Variants in KSR2 observed in about 807,000 individuals in gnomAD.
KSR2 encodes kinase suppressor of ras 2.
Under a neutral mutation model 107.8 loss-of-function variants are expected in KSR2, and 25 were observed. That is an observed-to-expected ratio of 0.23 (90% CI 0.17 to 0.32). KSR2 has a LOEUF of 0.32. KSR2 is among the 10% of genes least tolerant of loss of function. KSR2 has a pLI of 1.00. For missense variants in KSR2, 887 were observed against 1,268.9 expected, an observed-to-expected ratio of 0.70 and a Z score of 4.57; for synonymous variants, 480 against 507.0, an observed-to-expected ratio of 0.95 and a Z score of 0.71.
At chr12:117,714,265 G>A (rs1886897038) in intron 4 of KSR2, among the ~76,000 whole-genome samples, 1 of 152,254 alleles carries the variant, frequency 6.6e-6, no homozygotes, top group South Asian at 2.1e-4. Flanking sequence ...GGAACTTTAA[G>A]TAATCAAATG....
intron 17 of KSR2, among the ~76,000 whole-genome samples, chr12:117,475,470 C>T (rs1871721242): frequency 6.6e-6 from 1 of 152,104 alleles, no homozygotes; most frequent in Non-Finnish European, 1.5e-5. Context: ...TCTGGAACAC[C>T]TCACCCTGCC....
At chr12:117,800,336 A>G (rs1890787660) in intron 3 of KSR2, among the ~76,000 whole-genome samples, 1 of 152,100 alleles carries the variant, frequency 6.6e-6, no homozygotes, top group Non-Finnish European at 1.5e-5. Flanking sequence ...CCACAGGGCC[A>G]GGTTCCTGTC....
chr12:117,578,601 C>CAAAAAAAA (rs66919524), intron 7 of KSR2, among the ~76,000 whole-genome samples: 3 of 103,972 alleles, frequency 2.9e-5, no homozygotes, highest in African/African-American at 8.9e-5. Context: ...GACTCCATCT[C>CAAAAAAAA]AAAAAAAAAA....
chr12:117,834,135 T>C (rs1283070840), intron 3 of KSR2, among the ~76,000 whole-genome samples: 1 of 147,756 alleles, frequency 6.8e-6, no homozygotes, highest in Non-Finnish European at 1.5e-5. Context: ...AGTGAGACCC[T>C]GTCTCAAAAA....
chr12:117,496,370 A>G (rs1332420155), intron 14 of KSR2, among the ~76,000 whole-genome samples: 1 of 152,148 alleles, frequency 6.6e-6, no homozygotes, highest in Non-Finnish European at 1.5e-5. Flanking sequence ...GCCTTTGCTG[A>G]CACTGTCCAA....
intron 13 of KSR2, among the ~76,000 whole-genome samples, chr12:117,525,554 T>G (rs1482386734): frequency 1.3e-5 from 2 of 152,140 alleles, no homozygotes; most frequent in Non-Finnish European, 2.9e-5. Context: ...TATGTTGCCC[T>G]GGGAAGTGAC....
intron 10 of KSR2, among the ~76,000 whole-genome samples, chr12:117,535,882 C>T (rs1332293325): frequency 6.6e-6 from 1 of 152,058 alleles, no homozygotes; most frequent in Non-Finnish European, 1.5e-5. Flanking sequence ...CAAAATCACA[C>T]AGCTAGCAAG....
At position 117,833,977 on chromosome 12, in the gene KSR2, T is replaced by A. The variant is rs541812685; in HGVS notation, c.472+21451A>T. Among the ~76,000 whole-genome samples the A allele has an allele frequency of 3.8e-3, 490 of 128,894 alleles. 3 individuals are homozygous for A. The highest frequency in any genetic ancestry group is 0.013 in the African/African-American group (452 of 35,942). The allele number at this position is 128,894 out of a possible 152,430, so 84.6% of individuals were successfully genotyped here. On this transcript the variant is annotated intron_variant, in intron 3 of 19. Transcript: ENST00000339824. The stretch of plus-strand genomic sequence containing the variant: ...AACCCTGTCTGTACAAAAAAAAAAA[T>A]TTTCATTAAAAAAATTAGCCAGGTA...
At chr12:117,834,038 G>T (rs1222108589) in intron 3 of KSR2, among the ~76,000 whole-genome samples, 1 of 151,972 alleles carries the variant, frequency 6.6e-6, no homozygotes, top group East Asian at 1.9e-4. Flanking sequence ...CTACTCTGGG[G>T]GCTGAGGGAG....
intron 5 of KSR2, among the ~76,000 whole-genome samples, chr12:117,606,593 CT>C (rs1565923108): frequency 0.012 from 65 of 5,456 alleles, 1 homozygote; most frequent in Middle Eastern, 0.1. Context: ...TTCTTCCTTC[CT>C]TCTTTCCTCC....
chr12:117,677,780 G>A (rs1430895253), intron 4 of KSR2, among the ~76,000 whole-genome samples: 3 of 152,128 alleles, frequency 2.0e-5, no homozygotes, highest in Non-Finnish European at 1.5e-5. Context: ...TCTCAATGTT[G>A]CTTACCAATG....
intron 9 of KSR2, among the ~76,000 whole-genome samples, chr12:117,545,731 C>T (rs970222523): frequency 3.5e-4 from 53 of 152,202 alleles, no homozygotes; most frequent in African/African-American, 1.0e-3. Flanking sequence ...TTCCTGCCTT[C>T]CTGTGAGTTA....
intron 4 of KSR2, among the ~76,000 whole-genome samples, chr12:117,701,313 G>A (rs1157050667): frequency 6.6e-6 from 1 of 152,088 alleles, no homozygotes; most frequent in Non-Finnish European, 1.5e-5. Flanking sequence ...GGCTGGTGTC[G>A]AACTCCTGAT....
intron 1 of KSR2, among the ~76,000 whole-genome samples, chr12:117,962,034 A>T (rs1343806594): frequency 1.3e-5 from 2 of 151,574 alleles, no homozygotes; most frequent in Non-Finnish European, 2.9e-5. Context: ...AGTCTCAGCT[A>T]CCCAGGAGGC....
At chr12:117,486,684 T>G (rs1183552313) in intron 14 of KSR2, among the ~76,000 whole-genome samples, 1 of 152,242 alleles carries the variant, frequency 6.6e-6, no homozygotes, top group Non-Finnish European at 1.5e-5. Context: ...GCTGAGATTG[T>G]ATTTCCTGTG....
intron 1 of KSR2, among the ~76,000 whole-genome samples, chr12:117,894,957 C>A (rs1293247848): frequency 6.6e-6 from 1 of 151,806 alleles, no homozygotes; most frequent in Non-Finnish European, 1.5e-5. Flanking sequence ...TCCCGGGCTT[C>A]GTGGAGCTAT....
chr12:117,562,962 C>G (rs1388208868), intron 7 of KSR2, among the ~76,000 whole-genome samples: 1 of 152,164 alleles, frequency 6.6e-6, no homozygotes, highest in Non-Finnish European at 1.5e-5. Flanking sequence ...CTAATAGAGT[C>G]GGCAGGATTA....
chr12:117,872,246 T>C (rs1428950459), intron 1 of KSR2, among the ~76,000 whole-genome samples: 1 of 152,194 alleles, frequency 6.6e-6, no homozygotes, highest in Admixed American at 6.5e-5. Flanking sequence ...TAATTTCACA[T>C]TATTTCCCTC....
chr12:117,512,871 G>T (rs1318107837), intron 14 of KSR2, among the ~76,000 whole-genome samples: 1 of 152,048 alleles, frequency 6.6e-6, no homozygotes, highest in Admixed American at 6.6e-5. Context: ...ACACCAGAAG[G>T]CCAAACATTA....
Sources: allele counts gnomAD v4.1 joint callset (sites outside exome capture counted in the v4.1 genomes callset), GRCh38; gene constraint gnomAD v4.1.1; transcripts MANE v1.5; gene names NCBI Gene and HGNC (gene_info 2026-07-23, HGNC 2026-07-21).